The following RBM47 variants were observed in gnomAD, a reference collection of about 807,000 sequenced individuals.
The protein encoded by RBM47 is RNA binding motif protein 47.
A neutral mutation model predicts 47.1 loss-of-function variants in RBM47; 21 were observed. The ratio of observed to expected loss-of-function variants is 0.45; its 90% confidence interval spans 0.32 to 0.64. The LOEUF (loss-of-function observed/expected upper bound fraction) is 0.64, where lower values mean the gene tolerates loss of function less well. RBM47 is among the 30% of genes least tolerant of loss of function. The pLI, the probability that RBM47 is intolerant of heterozygous loss-of-function variation, is 0.05. For missense variants in RBM47, 708 were observed against 870.9 expected (o/e 0.81, Z 2.35); for synonymous variants, 375 against 361.7 (o/e 1.04, Z -0.42).
At chr4:40,618,951 A>C (rs1201343013) in intron 1 of RBM47, among the ~76,000 whole-genome samples, 4 of 151,802 alleles carry the variant, frequency 2.6e-5, no homozygotes. Flanking sequence ...AGTCTCTGCC[A>C]TCACAGCCAG....
At chr4:40,600,544 G>A (rs1035809486) in intron 1 of RBM47, among the ~76,000 whole-genome samples, 4 of 151,524 alleles carry the variant, frequency 2.6e-5, no homozygotes, top group Non-Finnish European at 4.4e-5. Context: ...TGAGGCAGGA[G>A]AATGGCGTGA....
intron 3 of RBM47, among the ~76,000 whole-genome samples, chr4:40,443,717 C>CAAAAAAAAAAAAAAAAAAAA (rs10581870): frequency 4.2e-5 from 2 of 47,720 alleles, no homozygotes; most frequent in Admixed American, 3.2e-4. Flanking sequence ...AACTCCTTCT[C>CAAAAAAAAAAAAAAAAAAAA]AAAAAAAAAA....
chr4:40,603,736 G>A (rs1205576795), intron 1 of RBM47, among the ~76,000 whole-genome samples: 1 of 152,080 alleles, frequency 6.6e-6, no homozygotes, highest in African/African-American at 2.4e-5. Context: ...CAAGTAGCTG[G>A]GATGACAGGA....
chr4:40,503,721 G>C (rs201633501), intron 2 of RBM47, among the ~76,000 whole-genome samples: 1 of 152,008 alleles, frequency 6.6e-6, no homozygotes, highest in African/African-American at 2.4e-5. Context: ...TAAGAGGGGG[G>C]AGAGAAGAAT....
chr4:40,472,562 C>CAA (rs11403447), intron 2 of RBM47, among the ~76,000 whole-genome samples: 6,086 of 126,372 alleles, frequency 0.048, 371 homozygotes, highest in African/African-American at 0.11. Context: ...TGCTCTGTCT[C>CAA]AAAAAAAAAA....
rs1560361403 is a variant in RBM47 at position 40,438,404 on chromosome 4, G to C, written c.490C>G (p.Arg164Gly). The change falls in exon 4 of 7, where the codon CGC (arginine) becomes GGC (glycine). Residue 164 changes from arginine to glycine, a missense_variant. Physicochemically the swap from Arg to Gly is moderately radical, Grantham distance 125. Transcript: ENST00000295971. ...GCAATCTCCTCCAGGATTTCCTCGCGCTTCTTCATCTTGGGGATCCCGCCG... is the reference window on the plus strand; with the variant it reads ...GCAATCTCCTCCAGGATTTCCTCGCCCTTCTTCATCTTGGGGATCCCGCCG... ...FIGGIPKMKKREEILEEIAKV... is the reference protein window; with the variant it reads ...FIGGIPKMKKGEEILEEIAKV... 16 of 1,613,078 alleles carry C rather than the reference G, an allele frequency of 9.9e-6. No homozygotes were observed. The highest frequency in any genetic ancestry group is 1.7e-5 in the Admixed American group (1 of 60,018).
chr4:40,501,745 A>G (rs1019755850), intron 2 of RBM47, among the ~76,000 whole-genome samples: 1 of 152,218 alleles, frequency 6.6e-6, no homozygotes, highest in Non-Finnish European at 1.5e-5. Flanking sequence ...ACTCTGGTGG[A>G]GAAGCTAATC....
rs189017869 is a variant in RBM47, at chr4:40,496,490, T to C, written c.-154-29791A>G. 2.8e-4 allele frequency among the ~76,000 whole-genome samples: 42 copies of C among 152,230 alleles called. No homozygotes were observed. In the East Asian group the frequency reaches 7.5e-3, roughly 27 times the overall value. ...AAGGCTGGAAAAAAAAAATCACTTG[T>C]CTATGCAGACATTCACATAAACTCT... On this transcript the variant is annotated intron_variant, in intron 2 of 6. Transcript: ENST00000295971.
At chr4:40,572,865 A>G (rs2154269073) in intron 1 of RBM47, among the ~76,000 whole-genome samples, 1 of 152,062 alleles carries the variant, frequency 6.6e-6, no homozygotes, top group South Asian at 2.1e-4. Context: ...AAAATTGCAG[A>G]AGTGGGCCGG....
At chr4:40,611,855 C>T (rs1187603460) in intron 1 of RBM47, among the ~76,000 whole-genome samples, 1 of 152,120 alleles carries the variant, frequency 6.6e-6, no homozygotes, top group African/African-American at 2.4e-5. Context: ...TGAGATTAAA[C>T]TGGGACATCT....
At chr4:40,550,053 C>T (rs578209024) in intron 1 of RBM47, among the ~76,000 whole-genome samples, 2 of 152,272 alleles carry the variant, frequency 1.3e-5, no homozygotes, top group East Asian at 3.9e-4. Context: ...TTCTCCCTCT[C>T]CATGAATATT....
At chr4:40,608,329 C>T (rs1427671128) in intron 1 of RBM47, among the ~76,000 whole-genome samples, 1 of 152,164 alleles carries the variant, frequency 6.6e-6, no homozygotes, top group Non-Finnish European at 1.5e-5. Flanking sequence ...GTGTCCTGTT[C>T]ACCTACAACT....
At chr4:40,472,482 A>C (rs1268988133) in intron 2 of RBM47, among the ~76,000 whole-genome samples, 3 of 151,578 alleles carry the variant, frequency 2.0e-5, no homozygotes, top group African/African-American at 7.3e-5. Flanking sequence ...GAATCACTTA[A>C]ACCTGGGAGG....
intron 4 of RBM47, among the ~76,000 whole-genome samples, chr4:40,437,138 C>CATATATATATATATAAAATACAT (rs1166644165): frequency 1.3e-5 from 1 of 76,366 alleles, no homozygotes; most frequent in African/African-American, 7.6e-5. Context: ...ATATAAAATA[C>CATATATATATATATAAAATACAT]ATATATATAT....
intron 1 of RBM47, among the ~76,000 whole-genome samples, chr4:40,572,752 A>AAAT (rs1731851979): frequency 6.6e-6 from 1 of 151,860 alleles, no homozygotes; most frequent in Non-Finnish European, 1.5e-5. Context: ...AAATTTTAAA[A>AAAT]AATAATAATA....
intron 3 of RBM47, among the ~76,000 whole-genome samples, chr4:40,456,445 T>C (rs1048135674): frequency 1.3e-5 from 2 of 152,116 alleles, no homozygotes; most frequent in African/African-American, 4.8e-5. Flanking sequence ...AAGAATATGA[T>C]TCAAGTTACT....
intron 1 of RBM47, among the ~76,000 whole-genome samples, chr4:40,609,929 C>A (rs2154279065): frequency 6.6e-6 from 1 of 151,876 alleles, no homozygotes; most frequent in African/African-American, 2.4e-5. Context: ...ACTGTCTCTA[C>A]TAAAAATACA....
chr4:40,469,697 G>C (rs1464607691), intron 2 of RBM47, among the ~76,000 whole-genome samples: 1 of 151,808 alleles, frequency 6.6e-6, no homozygotes, highest in Non-Finnish European at 1.5e-5. Context: ...TTGACCCTAA[G>C]TGTTTCATTT....
At chr4:40,511,062 G>A (rs919368353) in intron 2 of RBM47, among the ~76,000 whole-genome samples, 13 of 152,076 alleles carry the variant, frequency 8.5e-5, no homozygotes, top group East Asian at 1.9e-4. Context: ...TAACCTATAC[G>A]CATTCAGTTT....
Sources: allele counts gnomAD v4.1 joint callset (sites outside exome capture counted in the v4.1 genomes callset), GRCh38; gene constraint gnomAD v4.1.1; transcripts MANE v1.5; gene names NCBI Gene and HGNC (gene_info 2026-07-23, HGNC 2026-07-21).